The following TBC1D19 variants were observed in gnomAD, a reference collection of about 807,000 sequenced individuals.
TBC1D19 encodes TBC1 domain family, member 19.
Under a neutral mutation model 89.0 loss-of-function variants are expected in TBC1D19, and 60 were observed. That is an observed-to-expected ratio of 0.67 (90% CI 0.55 to 0.84). TBC1D19 has a LOEUF of 0.84. TBC1D19 is among the 40% of genes least tolerant of loss of function. TBC1D19 has a pLI of 0.00. For missense variants in TBC1D19, 500 were observed against 610.8 expected (o/e 0.82, Z 1.91); for synonymous variants, 189 against 199.7 (o/e 0.95, Z 0.45).
At chr4:26,620,481 A>C in intron 3 of TBC1D19, 132 bp from the exon 4 acceptor site, 1 of 719,108 alleles carries the variant, frequency 1.4e-6, no homozygotes, top group Non-Finnish European at 2.2e-6. Context: ...TATTTTCTTA[A>C]TAAAAACAGT....
chr4:26,742,736 C>A, intron 18 of TBC1D19, 137 bp downstream of exon 18: 1 of 531,860 alleles, frequency 1.9e-6, no homozygotes, highest in African/African-American at 1.9e-5. Context: ...CTATAATTAT[C>A]AATTAGTAAA....
At chr4:26,643,396 A>G (rs1743686390) in intron 7 of TBC1D19, among the ~76,000 whole-genome samples, 1 of 152,198 alleles carries the variant, frequency 6.6e-6, no homozygotes, top group South Asian at 2.1e-4. Context: ...AAAGAGAAAC[A>G]TACCAGAATC....
chr4:26,715,955 TAA>T, intron 13 of TBC1D19, among the ~76,000 whole-genome samples: 1 of 152,090 alleles, frequency 6.6e-6, no homozygotes, highest in Non-Finnish European at 1.5e-5. Flanking sequence ...ATCCGCATGC[TAA>T]GTTTCTCAAC....
the TBC1D19 span, among the ~76,000 whole-genome samples, chr4:26,779,541 T>G: frequency 6.6e-6 from 1 of 152,248 alleles, no homozygotes; most frequent in East Asian, 1.9e-4. Context: ...TTCTTTTCCC[T>G]GGGTTCCTGT....
intron 1 of TBC1D19, among the ~76,000 whole-genome samples, chr4:26,607,484 A>C (rs1741085387): frequency 1.3e-5 from 2 of 152,134 alleles, no homozygotes; most frequent in African/African-American, 4.8e-5. Context: ...AAAGAAGAAA[A>C]CTGCCATACA....
At chr4:26,662,389 T>C (rs534593724) in intron 8 of TBC1D19, among the ~76,000 whole-genome samples, 64 of 152,194 alleles carry the variant, frequency 4.2e-4, no homozygotes, top group African/African-American at 1.5e-3. Flanking sequence ...TGAGGAAATC[T>C]TTATCAGAAG....
chr4:26,848,085 A>C, the TBC1D19 span, among the ~76,000 whole-genome samples: 1 of 152,216 alleles, frequency 6.6e-6, no homozygotes, highest in East Asian at 1.9e-4. Context: ...GTTAATTTTA[A>C]TATGACTGGG....
At chr4:26,579,368 A>G (rs1362570154), upstream of TBC1D19, among the ~76,000 whole-genome samples, 1 of 152,224 alleles carries the variant, frequency 6.6e-6, no homozygotes, top group Non-Finnish European at 1.5e-5. Flanking sequence ...TGATCATGTG[A>G]CAAAGCTTCA....
At chr4:26,752,320 C>T (rs761709723) in intron 19 of TBC1D19, among the ~76,000 whole-genome samples, 8 of 149,596 alleles carry the variant, frequency 5.3e-5, no homozygotes, top group Non-Finnish European at 1.0e-4. Context: ...TCATAGCTCA[C>T]TGCAGCCTTG....
intron 13 of TBC1D19, among the ~76,000 whole-genome samples, chr4:26,699,931 G>T (rs1054378823): frequency 2.6e-5 from 4 of 151,856 alleles, no homozygotes; most frequent in Admixed American, 6.6e-5. Flanking sequence ...GTTAATGGGT[G>T]CAGCAAACCA....
At chr4:26,844,117 C>T in the TBC1D19 span, among the ~76,000 whole-genome samples, 1 of 152,284 alleles carries the variant, frequency 6.6e-6, no homozygotes, top group Admixed American at 6.5e-5. Flanking sequence ...TCCAGCAATT[C>T]CTAAATTAAG....
At chr4:26,751,951 C>T (rs552626328) in intron 19 of TBC1D19, among the ~76,000 whole-genome samples, 1 of 152,300 alleles carries the variant, frequency 6.6e-6, no homozygotes, top group African/African-American at 2.4e-5. Context: ...TTGCTGCTTA[C>T]TTTCAGTCTC....
intron 13 of TBC1D19, among the ~76,000 whole-genome samples, chr4:26,693,685 C>A (rs1714494162): frequency 6.7e-6 from 1 of 149,268 alleles, no homozygotes. Flanking sequence ...ACAGGTGAGA[C>A]CCGGTCTAAA....
chr4:26,650,539 C>T lies in TBC1D19; in HGVS notation c.481-9058C>T, dbSNP rs565331385. Among the ~76,000 whole-genome samples, 98 of 151,300 alleles carry T rather than the reference C, an allele frequency of 6.5e-4. 1 individual carries two copies. The highest frequency in any genetic ancestry group is 1.9e-3 in the African/African-American group (79 of 41,404). ...TGGAGAAGTGTCTGTTCATATCCTT[C>T]GCCCACTTGTTGATGGGGTTGATTG... On this transcript the variant is annotated intron_variant, in intron 7 of 20. Coordinates refer to ENST00000264866, the MANE Select transcript of TBC1D19 (RefSeq NM_018317.4).
chr4:26,642,371 G>T (rs994233123), intron 7 of TBC1D19, among the ~76,000 whole-genome samples: 9 of 152,184 alleles, frequency 5.9e-5, no homozygotes, highest in African/African-American at 2.2e-4. Context: ...TTACAGACAA[G>T]CAAATACTGA....
the TBC1D19 span, among the ~76,000 whole-genome samples, chr4:26,781,340 A>G: frequency 5.9e-5 from 9 of 152,270 alleles, no homozygotes; most frequent in South Asian, 1.2e-3. Context: ...AAGTCAGGTT[A>G]CCTGGTTCTC....
chr4:26,582,250 C>T (rs1383152974), upstream of TBC1D19, among the ~76,000 whole-genome samples: 1 of 151,980 alleles, frequency 6.6e-6, no homozygotes, highest in Non-Finnish European at 1.5e-5. Flanking sequence ...TACATTTGTT[C>T]CTCATACTGT....
chr4:26,576,938 G>T (rs774187843), intron 1 of TBC1D19: 2 of 439,796 alleles, frequency 4.5e-6, no homozygotes, highest in Non-Finnish European at 9.2e-6. Context: ...TAATCTAGGT[G>T]TTGCTATAAA....
chr4:26,789,454 A>G, the TBC1D19 span, among the ~76,000 whole-genome samples: 1 of 152,234 alleles, frequency 6.6e-6, no homozygotes, highest in South Asian at 2.1e-4. Context: ...GAAGCATTTG[A>G]AAATGTTCAT....
Sources: allele counts gnomAD v4.1 joint callset (sites outside exome capture counted in the v4.1 genomes callset), GRCh38; gene constraint gnomAD v4.1.1; transcripts MANE v1.5; gene names NCBI Gene and HGNC (gene_info 2026-07-23, HGNC 2026-07-21).